The following ATOSB variants were observed in gnomAD, a reference collection of about 807,000 sequenced individuals.
The protein encoded by ATOSB is atos homolog protein B.
chr9:35,107,984 A>G, the ATOSB span: 9 of 1,596,384 alleles, frequency 5.6e-6, no homozygotes, highest in South Asian at 1.0e-4. Flanking sequence ...GCCCCACAGT[A>G]GATGGTTCTT....
At chr9:35,106,404 A>G in the ATOSB span, 7 of 1,614,084 alleles carry the variant, frequency 4.3e-6, no homozygotes, top group African/African-American at 1.3e-5. The surrounding 1 kb of genome is among the most constrained non-coding windows in gnomAD (Gnocchi z 4.6). Flanking sequence ...CCTCGCAGCA[A>G]TGATTCCTGG....
chr9:35,107,449 T>G, the ATOSB span: 1 of 1,613,614 alleles, frequency 6.2e-7, no homozygotes, highest in Non-Finnish European at 8.5e-7. Flanking sequence ...TCAGAACTGT[T>G]GGCAGCAGTA....
the ATOSB span, chr9:35,107,464 G>A: frequency 7.4e-6 from 12 of 1,611,986 alleles, no homozygotes; most frequent in South Asian, 1.1e-4. Context: ...GCAGTAGGGT[G>A]GCCCAGGGAT....
chr9:35,108,291 CA>C, the ATOSB span: 19 of 1,528,152 alleles, frequency 1.2e-5, no homozygotes, highest in African/African-American at 8.3e-5. Context: ...CCCCTTGGGT[CA>C]GGGGGGCCCC....
chr9:35,113,250 G>A, the ATOSB span, among the ~76,000 whole-genome samples: 4,114 of 152,230 alleles, frequency 0.027, 199 homozygotes, highest in African/African-American at 0.094. Flanking sequence ...TACCTACAAA[G>A]GTCAGAGGAC....
the ATOSB span, chr9:35,108,064 G>T: frequency 6.5e-7 from 1 of 1,533,968 alleles, no homozygotes; most frequent in Non-Finnish European, 8.8e-7. Context: ...TCAGTGGATG[G>T]GGCTTGTCGT....
the ATOSB span, chr9:35,105,492 G>A: frequency 3.9e-6 from 5 of 1,294,964 alleles, no homozygotes; most frequent in South Asian, 7.2e-5. The surrounding 1 kb of genome is among the most constrained non-coding windows in gnomAD (Gnocchi z 5.5). Flanking sequence ...AGGAGTTGGA[G>A]ACCAGCCTAA....
chr9:35,113,919 A>G, the ATOSB span, among the ~76,000 whole-genome samples: 2 of 152,210 alleles, frequency 1.3e-5, no homozygotes, highest in Non-Finnish European at 2.9e-5. Flanking sequence ...GTGAACAGCA[A>G]TCCGGCGATC....
At chr9:35,108,358 G>A in the ATOSB span, 7 of 1,435,888 alleles carry the variant, frequency 4.9e-6, no homozygotes, top group Non-Finnish European at 6.4e-6. Context: ...ATCTGTGTAA[G>A]AGAAGAGAAG....
At chr9:35,113,684 T>C in the ATOSB span, among the ~76,000 whole-genome samples, 4,378 of 151,832 alleles carry the variant, frequency 0.029, 218 homozygotes, top group African/African-American at 0.1. Flanking sequence ...AAAGAGGCCT[T>C]ACCTTCCTGC....
the ATOSB span, chr9:35,106,989 C>A: frequency 9.3e-7 from 1 of 1,080,684 alleles, no homozygotes; most frequent in Non-Finnish European, 1.4e-6. This position sits in a 1 kb window ranked among gnomAD's most constrained non-coding sequence, Gnocchi z 4.6. Context: ...ACCCTGCCCC[C>A]CAGGCCTCCA....
At chr9:35,115,410 C>T in the ATOSB span, among the ~76,000 whole-genome samples, 24 of 152,138 alleles carry the variant, frequency 1.6e-4, no homozygotes, top group African/African-American at 4.8e-4. Context: ...TGTCAAAGTA[C>T]TGGGGGTTCT....
At chr9:35,116,305 C>A in the ATOSB span, 1 of 152,306 alleles carries the variant, frequency 6.6e-6, no homozygotes, top group Admixed American at 6.5e-5. Flanking sequence ...CTCTGATTGG[C>A]GGTGGCGGCC....
chr9:35,105,930 G>A, the ATOSB span: 2 of 1,614,078 alleles, frequency 1.2e-6, no homozygotes, highest in South Asian at 1.1e-5. The surrounding 1 kb of genome is among the most constrained non-coding windows in gnomAD (Gnocchi z 5.5). Context: ...ACTCCCTCAG[G>A]GCAAACTCAC....
At chr9:35,106,648 T>C in the ATOSB span, 3 of 1,547,322 alleles carry the variant, frequency 1.9e-6, no homozygotes, top group Non-Finnish European at 2.6e-6. The surrounding 1 kb of genome is among the most constrained non-coding windows in gnomAD (Gnocchi z 4.6). Context: ...GGGCTCCTGG[T>C]AGAGGAAGGG....
the ATOSB span, chr9:35,106,438 AAGAG>A: frequency 6.2e-7 from 1 of 1,614,040 alleles, no homozygotes; most frequent in African/African-American, 1.3e-5. The surrounding 1 kb of genome is among the most constrained non-coding windows in gnomAD (Gnocchi z 4.6). Context: ...AAAACACATG[AAGAG>A]AGAGATGCCA....
chr9:35,115,144 C>G, the ATOSB span, among the ~76,000 whole-genome samples: 1 of 152,002 alleles, frequency 6.6e-6, no homozygotes, highest in Non-Finnish European at 1.5e-5. Flanking sequence ...TCCCCCGGGA[C>G]CTCAGCTTAG....
the ATOSB span, chr9:35,108,718 C>T: frequency 2.0e-6 from 2 of 994,036 alleles, no homozygotes; most frequent in Non-Finnish European, 2.4e-6. Flanking sequence ...TTCCGTGCAG[C>T]TCCTGAGCTC....
the ATOSB span, chr9:35,105,052 T>C: frequency 1.5e-5 from 10 of 661,880 alleles, no homozygotes; most frequent in Non-Finnish European, 2.4e-5. The surrounding 1 kb of genome is among the most constrained non-coding windows in gnomAD (Gnocchi z 5.5). Context: ...TAGGGCAGGG[T>C]GTAGTAAGAA....
Sources: gnomAD v4.1 joint callset for allele counts (sites outside exome capture counted in the v4.1 genomes callset) on GRCh38, gnomAD v4.1.1 for gene constraint, Gnocchi (gnomAD v3.1) non-coding constraint, MANE v1.5 for transcripts, NCBI Gene and HGNC (gene_info 2026-07-23, HGNC 2026-07-21) for gene names.